Variants in SDC2 observed in about 807,000 individuals in gnomAD.
SDC2 encodes the protein syndecan-2.
Under a neutral mutation model 22.2 loss-of-function variants are expected in SDC2, and 13 were observed. That is an observed-to-expected ratio of 0.59 (90% CI 0.38 to 0.93). The LOEUF (loss-of-function observed/expected upper bound fraction) is 0.93, where lower values mean the gene tolerates loss of function less well. SDC2 is among the 40% of genes least tolerant of loss of function. The pLI is 0.00. For synonymous variants in SDC2, 94 were observed against 92.8 expected, an observed-to-expected ratio of 1.01 and a Z score of -0.07; for missense variants, 235 against 246.8, an observed-to-expected ratio of 0.95 and a Z score of 0.32.
intron 1 of SDC2, among the ~76,000 whole-genome samples, chr8:96,583,304 A>G (rs897804119): frequency 6.8e-6 from 1 of 147,006 alleles, no homozygotes; most frequent in Non-Finnish European, 1.5e-5. Context: ...TATACAATAT[A>G]TATGATATAT....
chr8:96,605,261 C>G (rs1474830488), intron 3 of SDC2, among the ~76,000 whole-genome samples: 2 of 152,178 alleles, frequency 1.3e-5, no homozygotes, highest in East Asian at 3.8e-4. Flanking sequence ...CATTTCTCAC[C>G]AGAACTTGTT....
At chr8:96,517,152 T>C (rs1309355892) in intron 1 of SDC2, among the ~76,000 whole-genome samples, 1 of 152,234 alleles carries the variant, frequency 6.6e-6, no homozygotes, top group Non-Finnish European at 1.5e-5. Context: ...TATGAAGTGG[T>C]ATCTTATTGT....
chr8:96,499,897 T>G (rs374904322), intron 1 of SDC2, among the ~76,000 whole-genome samples: 2 of 152,078 alleles, frequency 1.3e-5, no homozygotes, highest in East Asian at 3.9e-4. Context: ...TTTCCAAATC[T>G]CCTACTCCTG....
chr8:96,555,847 C>T (rs991475616), intron 1 of SDC2, among the ~76,000 whole-genome samples: 4 of 152,136 alleles, frequency 2.6e-5, no homozygotes, highest in African/African-American at 9.7e-5. Flanking sequence ...CCATACAAAC[C>T]CACATTTTAA....
intron 1 of SDC2, among the ~76,000 whole-genome samples, chr8:96,553,703 C>G (rs1419124507): frequency 2.0e-5 from 3 of 152,034 alleles, no homozygotes; most frequent in Non-Finnish European, 4.4e-5. Context: ...TGCTTTATTA[C>G]TTTGCTTCAG....
chr8:96,528,200 T>G (rs1416871766), intron 1 of SDC2, among the ~76,000 whole-genome samples: 1 of 152,194 alleles, frequency 6.6e-6, no homozygotes, highest in Non-Finnish European at 1.5e-5. Flanking sequence ...GGATTGGATT[T>G]AAGTATATAT....
At chr8:96,605,548 G>A (rs963465465) in intron 3 of SDC2, among the ~76,000 whole-genome samples, 4 of 152,204 alleles carry the variant, frequency 2.6e-5, no homozygotes, top group Non-Finnish European at 5.9e-5. Context: ...GGGAAGGCCT[G>A]TCGTATTTCC....
intron 2 of SDC2, among the ~76,000 whole-genome samples, chr8:96,600,052 A>G (rs1814951697): frequency 6.6e-6 from 1 of 152,074 alleles, no homozygotes; most frequent in African/African-American, 2.4e-5. Flanking sequence ...CCAGCTACTC[A>G]GGAGGCTGAG....
intron 1 of SDC2, among the ~76,000 whole-genome samples, chr8:96,569,324 T>A (rs947722645): frequency 6.6e-6 from 1 of 152,198 alleles, no homozygotes; most frequent in Non-Finnish European, 1.5e-5. Flanking sequence ...CTTTTTCTTA[T>A]ACTCTCAGCC....
At chr8:96,565,128 C>T (rs1410796247) in intron 1 of SDC2, among the ~76,000 whole-genome samples, 1 of 54,254 alleles carries the variant, frequency 1.8e-5, no homozygotes, top group African/African-American at 5.6e-5. Flanking sequence ...GCTCTGTCGC[C>T]AGGCTGGAGT....
chr8:96,562,380 G>T (rs774059705), intron 1 of SDC2, among the ~76,000 whole-genome samples: 8 of 152,246 alleles, frequency 5.3e-5, no homozygotes, highest in Non-Finnish European at 1.0e-4. Context: ...TCTTTCCCTG[G>T]GGCTGCCTCC....
intron 1 of SDC2, among the ~76,000 whole-genome samples, chr8:96,588,471 G>A (rs1291011175): frequency 6.6e-6 from 1 of 152,190 alleles, no homozygotes; most frequent in Non-Finnish European, 1.5e-5. Context: ...ATAAGCTACA[G>A]TTATAGCCTT....
chr8:96,604,539 G>A (rs1458262625), intron 3 of SDC2, among the ~76,000 whole-genome samples: 1 of 152,134 alleles, frequency 6.6e-6, no homozygotes, highest in Non-Finnish European at 1.5e-5. Context: ...TCATTTTGCT[G>A]TTTATGTGGT....
At chr8:96,504,018 C>T (rs1348489109) in intron 1 of SDC2, among the ~76,000 whole-genome samples, 1 of 152,060 alleles carries the variant, frequency 6.6e-6, no homozygotes, top group Non-Finnish European at 1.5e-5. Flanking sequence ...TGGGATTTTT[C>T]CAAGGACAGT....
Position 96,609,494 on chromosome 8 carries a change from C to T in SDC2, c.552C>T (p.Arg184=). Residue 184 remains arginine, a synonymous_variant, in exon 5 of 5, where the codon CGC becomes CGT. Coordinates refer to ENST00000302190, the MANE Select transcript of SDC2 (RefSeq NM_002998.4). ...AAGGAAGCTATGACCTTGGAGAACG[C>T]AAACCATCCAGTGCTGCTTATCAGA... ...KDEGSYDLGE[R]KPSSAAYQKA... is the part of the protein sequence containing the mutation. The T allele has an allele frequency of 5.0e-6, 8 of 1,612,834 alleles. No individual in the cohort carries two copies. Among genetic ancestry groups the T allele is most frequent in the Non-Finnish European group, 5.9e-6 (7 of 1,179,352 alleles).
intron 1 of SDC2, among the ~76,000 whole-genome samples, chr8:96,539,717 T>A (rs1390139577): frequency 6.6e-6 from 1 of 152,252 alleles, no homozygotes; most frequent in Non-Finnish European, 1.5e-5. Context: ...GGTTTTCACT[T>A]AACAAGGCAG....
intron 1 of SDC2, among the ~76,000 whole-genome samples, chr8:96,510,530 G>A (rs576824493): frequency 6.6e-6 from 1 of 152,146 alleles, no homozygotes; most frequent in Non-Finnish European, 1.5e-5. Flanking sequence ...GAATAAAAGG[G>A]TCTATCTTTA....
chr8:96,506,640 T>TTTGTTG (rs1015138572), intron 1 of SDC2, among the ~76,000 whole-genome samples: 2 of 151,940 alleles, frequency 1.3e-5, no homozygotes, highest in Non-Finnish European at 2.9e-5. Flanking sequence ...TGGCTGAGTT[T>TTTGTTG]TTGTTGTTGT....
chr8:96,546,584 C>T (rs1386148917), intron 1 of SDC2, among the ~76,000 whole-genome samples: 1 of 152,018 alleles, frequency 6.6e-6, no homozygotes, highest in African/African-American at 2.4e-5. Flanking sequence ...AATAATAAGC[C>T]AGGGGAATAG....
Sources: gnomAD v4.1 joint callset for allele counts (sites outside exome capture counted in the v4.1 genomes callset) on GRCh38, gnomAD v4.1.1 for gene constraint, MANE v1.5 for transcripts, NCBI Gene and HGNC (gene_info 2026-07-23, HGNC 2026-07-21) for gene names.